IMMT: variants seen among roughly 807,000 people sequenced by gnomAD.
IMMT encodes the protein inner membrane mitochondrial protein, also known as MICOS complex subunit MIC60.
IMMT carries 40 observed loss-of-function variants against 92.7 expected under a neutral mutation model. That is an observed-to-expected ratio of 0.43 (90% CI 0.34 to 0.56). The LOEUF (loss-of-function observed/expected upper bound fraction) is 0.56. Among genes scored for constraint, IMMT ranks in the 20% least tolerant of loss-of-function variants. The pLI is 0.03. For missense variants in IMMT, 831 were observed against 912.1 expected, an observed-to-expected ratio of 0.91 and a Z score of 1.14; for synonymous variants, 322 against 336.1, an observed-to-expected ratio of 0.96 and a Z score of 0.46.
chr2:86,151,500 C>G lies in IMMT; in HGVS notation c.1198G>C (p.Asp400His). 1.2e-6 allele frequency: 2 copies of G among 1,613,752 alleles called. No homozygotes were observed. The highest frequency in any genetic ancestry group is 2.2e-5 in the South Asian group (2 of 91,076). The change falls in exon 12 of 15, where the codon GAT becomes CAT. Residue 400 changes from aspartate (D) to histidine (H), a missense_variant. Transcript: ENST00000410111. ...SDLADKLSTD[D>H]LNSLIAHAHR... ...GCATGAGCAATGAGGGAGTTCAGAT[C>G]ATCAGTAGAGAGCTTGTCAGCTAAG...
chr2:86,177,462 G>A (rs138175372), intron 3 of IMMT, among the ~76,000 whole-genome samples: 1 of 152,170 alleles, frequency 6.6e-6, no homozygotes, highest in African/African-American at 2.4e-5. Context: ...AAATTAGCTA[G>A]GCATGGTGGT....
At chr2:86,165,204 TA>T (rs1383785734) in intron 7 of IMMT, among the ~76,000 whole-genome samples, 2 of 152,198 alleles carry the variant, frequency 1.3e-5, no homozygotes, top group Non-Finnish European at 2.9e-5. Flanking sequence ...ACCCAAGTAG[TA>T]ACATGGCATT....
At chr2:86,171,085 A>T in intron 5 of IMMT, 123 bp downstream of exon 5, 1 of 921,806 alleles carries the variant, frequency 1.1e-6, no homozygotes, top group Non-Finnish European at 1.6e-6. Flanking sequence ...AAAATTTCCT[A>T]AGAAACTCTG....
intron 2 of IMMT, 129 bp from the exon 3 acceptor site, chr2:86,179,751 C>G (rs1677699014): frequency 1.3e-5 from 8 of 625,956 alleles, no homozygotes; most frequent in Non-Finnish European, 2.1e-5. Flanking sequence ...TCATAGCAGC[C>G]AAGTTTACCA....
chr2:86,172,485 C>T (rs770520954), intron 4 of IMMT, among the ~76,000 whole-genome samples: 5 of 152,042 alleles, frequency 3.3e-5, no homozygotes, highest in East Asian at 1.9e-4. Flanking sequence ...AGGCATGCAC[C>T]GCCATCCCCA....
intron 4 of IMMT, 196 bp from the exon 5 acceptor site, chr2:86,171,541 A>G: frequency 1.8e-6 from 1 of 561,682 alleles, no homozygotes; most frequent in South Asian, 2.2e-5. Context: ...AAAATGGACA[A>G]TGGTTGGGAA....
chr2:86,159,273 C>A (rs1440743817), intron 9 of IMMT: 1 of 455,890 alleles, frequency 2.2e-6, no homozygotes, highest in Non-Finnish European at 4.1e-6. Flanking sequence ...TTTGTAGAAA[C>A]AGAGTTTCAC....
chr2:86,158,175 CAG>C (rs1328494719), intron 10 of IMMT, among the ~76,000 whole-genome samples: 2 of 152,206 alleles, frequency 1.3e-5, no homozygotes, highest in Non-Finnish European at 2.9e-5. Flanking sequence ...TGTTTTGTCA[CAG>C]AGCAGACATA....
intron 3 of IMMT, 105 bp from the exon 4 acceptor site, chr2:86,173,866 A>G: frequency 8.0e-6 from 5 of 628,404 alleles, no homozygotes; most frequent in South Asian, 5.8e-5. Flanking sequence ...CTTTTAACAT[A>G]AAGTTATCAA....
chr2:86,144,071 A>C lies in IMMT; in HGVS notation c.*197T>G. The C allele has an allele frequency of 1.6e-6, 1 of 641,856 alleles. No individual in the cohort carries two copies. The highest frequency in any genetic ancestry group is 2.8e-5 in the East Asian group (1 of 36,168). The allele number at this position is 641,856 out of a possible 1,614,324, so 39.8% of individuals were successfully genotyped here. On this transcript the variant is annotated 3_prime_UTR_variant, in exon 15 of 15. Coordinates refer to ENST00000410111, the MANE Select transcript of IMMT (RefSeq NM_006839.3). ...AAACAGAAAATGTTACACAAGTTGC[A>C]AAGAAAGCACTCCTGGCGTTCACTG...
intron 10 of IMMT, among the ~76,000 whole-genome samples, chr2:86,155,954 A>G (rs530510897): frequency 6.6e-6 from 1 of 152,202 alleles, no homozygotes; most frequent in Non-Finnish European, 1.5e-5. Flanking sequence ...TTGTATTGTG[A>G]ATATATACTC....
Position 86,176,450 on chromosome 2 carries a change from G to T in IMMT, c.310-2689C>A, listed in dbSNP as rs1205188494. On this transcript the variant is annotated intron_variant, in intron 3 of 14. Coordinates refer to ENST00000410111, the MANE Select transcript of IMMT (RefSeq NM_006839.3). ...ACTGTGTGCGCATGGAGAGCAACAG[G>T]CCTAGTTCAGGAGACAATTTGGATA... Among the ~76,000 whole-genome samples, 3 of 152,100 alleles carry T rather than the reference G, an allele frequency of 2.0e-5. 1 individual carries two copies. The highest frequency in any genetic ancestry group is 4.2e-4 in the South Asian group (2 of 4,808).
intron 3 of IMMT, among the ~76,000 whole-genome samples, chr2:86,175,385 T>C (rs1466153321): frequency 6.6e-6 from 1 of 152,134 alleles, no homozygotes; most frequent in African/African-American, 2.4e-5. Flanking sequence ...CTCTCAAATA[T>C]ATATATATGT....
In IMMT at chr2:86,179,615, T is replaced by C. The variant is rs1219011247; in HGVS notation, c.127A>G (p.Thr43Ala). ...AGGCCAGCTCCAGCAATTTTGCCAG[T>C]AGTCAACCTAAGTGAAAGAAACAGG... ...YSTSGSSGLT[T>A]GKIAGAGLLF... The change falls in exon 3 of 15, where the codon ACT becomes GCT. Residue 43 changes from threonine to alanine, a missense_variant. By Grantham distance (58) the Thr-to-Ala change is moderately conservative (BLOSUM62 0). Coordinates refer to ENST00000410111, the MANE Select transcript of IMMT (RefSeq NM_006839.3). 6.3e-7 allele frequency: 1 copy of C among 1,592,646 alleles called. No homozygotes were observed. Among genetic ancestry groups the C allele is most frequent in the South Asian group, 1.2e-5 (1 of 86,574 alleles).
Position 86,144,257 on chromosome 2 carries a change from C to T in IMMT, c.*11G>A, listed in dbSNP as rs762441369. The T allele has an allele frequency of 1.8e-5, 29 of 1,610,804 alleles. No individual in the cohort carries two copies. The Admixed American group carries it at 4.7e-4, about 26-fold the overall frequency. On this transcript the variant is annotated 3_prime_UTR_variant, in exon 15 of 15. Transcript: ENST00000410111. ...ACATGAAATATGACTTTATGAAAAT[C>T]TTCCTAAACCTCACTCTGGCTGCAC...
In IMMT at chr2:86,171,362, C is replaced by T. The variant is rs1265865918; in HGVS notation, c.422-17G>A. ...CTGTAGGTGCTATAAATATATGTTACTCATGGTATTTATACTTTCCTGGGT... is the reference window on the plus strand; with the variant it reads ...CTGTAGGTGCTATAAATATATGTTATTCATGGTATTTATACTTTCCTGGGT... On this transcript the variant is annotated splice_polypyrimidine_tract_variant and intron_variant, in intron 4 of 14. Transcript: ENST00000410111. 6.2e-7 allele frequency: 1 copy of T among 1,604,576 alleles called. No individual in the cohort carries two copies. Among genetic ancestry groups the T allele is most frequent in the African/African-American group, 1.3e-5 (1 of 74,892 alleles).
At chr2:86,179,882 C>T (rs112805418) in intron 2 of IMMT, among the ~76,000 whole-genome samples, 19 of 151,674 alleles carry the variant, frequency 1.3e-4, no homozygotes, top group African/African-American at 4.4e-4. Context: ...TCAAAACCAC[C>T]CTAGGCACCA....
At chr2:86,162,338 G>GTTTTTTTTTTTTTTTTTTTTT (rs1346343442) in intron 7 of IMMT, among the ~76,000 whole-genome samples, 6 of 113,696 alleles carry the variant, frequency 5.3e-5, no homozygotes, top group African/African-American at 1.7e-4. Context: ...TCTAAGGAGA[G>GTTTTTTTTTTTTTTTTTTTTT]TTGTTTTTTT....
chr2:86,149,060 A>G (rs1335141663), intron 12 of IMMT, among the ~76,000 whole-genome samples: 2 of 152,210 alleles, frequency 1.3e-5, no homozygotes, highest in Non-Finnish European at 2.9e-5. Flanking sequence ...TGAGCAGGCA[A>G]GGACCTGTTG....
Sources: gnomAD v4.1 joint callset for allele counts (sites outside exome capture counted in the v4.1 genomes callset) on GRCh38, gnomAD v4.1.1 for gene constraint, MANE v1.5 for transcripts, NCBI Gene and HGNC (gene_info 2026-07-23, HGNC 2026-07-21) for gene names.